KLF12: variants seen among roughly 807,000 people sequenced by gnomAD.
KLF12 encodes the protein KLF transcription factor 12.
KLF12 carries 9 observed loss-of-function variants against 37.8 expected under a neutral mutation model. That is an observed-to-expected ratio of 0.24 (90% CI 0.14 to 0.42). The LOEUF (loss-of-function observed/expected upper bound fraction) is 0.42. Among genes scored for constraint, KLF12 ranks in the 10% least tolerant of loss-of-function variants. The pLI is 1.00. For missense variants in KLF12, 411 were observed against 516.0 expected, an observed-to-expected ratio of 0.80 and a Z score of 1.97; for synonymous variants, 208 against 202.1, an observed-to-expected ratio of 1.03 and a Z score of -0.25.
At chr13:74,189,004 A>G in the KLF12 span, among the ~76,000 whole-genome samples, 1 of 152,162 alleles carries the variant, frequency 6.6e-6, no homozygotes, top group Admixed American at 6.5e-5. Flanking sequence ...ACCTGTCTCA[A>G]AAACAAAAAA....
chr13:73,731,805 G>A (rs1877078598), intron 6 of KLF12, among the ~76,000 whole-genome samples: 1 of 152,176 alleles, frequency 6.6e-6, no homozygotes, highest in Admixed American at 6.5e-5. Context: ...TTTTACATAT[G>A]AGAATAGCTT....
At chr13:74,063,919 A>G (rs1873754758) in intron 1 of KLF12, among the ~76,000 whole-genome samples, 1 of 152,168 alleles carries the variant, frequency 6.6e-6, no homozygotes, top group South Asian at 2.1e-4. Flanking sequence ...TTTGATTCCA[A>G]AAGACAGCAT....
chr13:73,734,836 C>G (rs1877331995), intron 6 of KLF12, among the ~76,000 whole-genome samples: 1 of 152,150 alleles, frequency 6.6e-6, no homozygotes, highest in Non-Finnish European at 1.5e-5. Flanking sequence ...GAAAGGTACA[C>G]TGCCCGAGAT....
chr13:73,836,762 A>G (rs925556742), intron 4 of KLF12, among the ~76,000 whole-genome samples: 27 of 152,220 alleles, frequency 1.8e-4, no homozygotes, highest in African/African-American at 6.3e-4. Context: ...TGTAACATTC[A>G]ATGTACTAAA....
intron 1 of KLF12, among the ~76,000 whole-genome samples, chr13:74,106,199 G>T (rs1355578398): frequency 2.0e-5 from 3 of 152,186 alleles, no homozygotes; most frequent in African/African-American, 7.2e-5. Context: ...TGCTTGGAGA[G>T]CCTTAAACAG....
intron 6 of KLF12, among the ~76,000 whole-genome samples, chr13:73,719,550 A>G (rs887356339): frequency 1.4e-4 from 22 of 152,012 alleles, no homozygotes; most frequent in African/African-American, 4.8e-4. Context: ...CTTTGATTCC[A>G]AGTCTTCAGA....
At chr13:73,904,495 T>C (rs1328182691) in intron 3 of KLF12, among the ~76,000 whole-genome samples, 2 of 133,386 alleles carry the variant, frequency 1.5e-5, no homozygotes, top group Non-Finnish European at 3.2e-5. Context: ...TTTTTTTTAC[T>C]AATTCAGTTC....
the KLF12 span, among the ~76,000 whole-genome samples, chr13:74,150,712 G>A: frequency 6.6e-6 from 1 of 152,108 alleles, no homozygotes; most frequent in Admixed American, 6.5e-5. Context: ...TAAAATAAGG[G>A]TGACTTGAAC....
the KLF12 span, among the ~76,000 whole-genome samples, chr13:74,239,764 C>T: frequency 7.3e-5 from 11 of 151,720 alleles, no homozygotes; most frequent in Non-Finnish European, 1.3e-4. Flanking sequence ...GGATTGCAAC[C>T]CCTGCCTTTT....
At chr13:74,055,595 A>G (rs1330996800) in intron 1 of KLF12, among the ~76,000 whole-genome samples, 1 of 152,212 alleles carries the variant, frequency 6.6e-6, no homozygotes, top group African/African-American at 2.4e-5. Flanking sequence ...GTGTTTTTAC[A>G]AAGCTCTTCT....
intron 3 of KLF12, among the ~76,000 whole-genome samples, chr13:73,931,073 G>C (rs1280777906): frequency 6.6e-6 from 1 of 151,846 alleles, no homozygotes; most frequent in Admixed American, 6.6e-5. Flanking sequence ...GGTCAGGCTG[G>C]TCTCAAACTC....
intron 1 of KLF12, among the ~76,000 whole-genome samples, chr13:74,024,257 A>G (rs1892916312): frequency 6.6e-6 from 1 of 152,234 alleles, no homozygotes; most frequent in South Asian, 2.1e-4. Context: ...ATCATCAACT[A>G]TATTTCAGGA....
intron 3 of KLF12, among the ~76,000 whole-genome samples, chr13:73,904,158 G>A (rs1338040248): frequency 6.6e-6 from 1 of 152,090 alleles, no homozygotes; most frequent in Non-Finnish European, 1.5e-5. Context: ...TCAGAAATAG[G>A]CAATCGTGAC....
At chr13:74,144,371 A>G in the KLF12 span, among the ~76,000 whole-genome samples, 9 of 152,322 alleles carry the variant, frequency 5.9e-5, no homozygotes, top group African/African-American at 1.9e-4. Context: ...TATGACAAAA[A>G]CAAGTTTCTT....
At chr13:73,806,799 C>T (rs1270717332) in intron 5 of KLF12, among the ~76,000 whole-genome samples, 1 of 151,980 alleles carries the variant, frequency 6.6e-6, no homozygotes, top group Non-Finnish European at 1.5e-5. Context: ...TAGAATCTGC[C>T]AAAAAGTTGC....
chr13:73,953,283 T>G (rs184483463), intron 2 of KLF12, among the ~76,000 whole-genome samples: 11 of 151,982 alleles, frequency 7.2e-5, no homozygotes, highest in Non-Finnish European at 1.2e-4. Context: ...AAAGTCAAAT[T>G]TATCCAAACA....
In KLF12 at chr13:73,998,809, T is replaced by C. The variant is rs1470366525; in HGVS notation, c.-31-3756A>G. Among the ~76,000 whole-genome samples, 3 of 152,364 alleles carry C rather than the reference T, an allele frequency of 2.0e-5. No individual in the cohort carries two copies. In the East Asian group the frequency reaches 5.8e-4, roughly 29 times the overall value. Reference sequence around the variant, plus strand: ...AGTGAGTTATCTTGGGAACTAAAAATATTTGAAGGTTAATCTAAATATTTC... The same window carrying C: ...AGTGAGTTATCTTGGGAACTAAAAACATTTGAAGGTTAATCTAAATATTTC... On this transcript the variant is annotated intron_variant, in intron 1 of 7. Coordinates refer to ENST00000377669, the MANE Select transcript of KLF12 (RefSeq NM_007249.5).
chr13:73,959,942 CTT>C (rs951200388), intron 2 of KLF12, among the ~76,000 whole-genome samples: 2 of 151,970 alleles, frequency 1.3e-5, no homozygotes, highest in Non-Finnish European at 2.9e-5. Flanking sequence ...AAAATGCAAG[CTT>C]TTTTTGTTTT....
In KLF12 at chr13:73,690,117, ACT is replaced by A. The variant is rs994575470; in HGVS notation, c.*5371_*5372del. On this transcript the variant is annotated 3_prime_UTR_variant, in exon 8 of 8. Coordinates refer to ENST00000377669, the MANE Select transcript of KLF12 (RefSeq NM_007249.5). ...TTTGATTTACTATGTGTATGTATTT[ACT>A]CTCTCTGTGTGTATGTGTGTGTGTG... The A allele has an allele frequency of 6.6e-6, 1 of 152,302 alleles. No homozygotes were observed. Among genetic ancestry groups the A allele is most frequent in the Non-Finnish European group, 1.5e-5 (1 of 67,918 alleles). 9.4% of individuals were successfully genotyped at this position (152,302 alleles called of 1,614,324 possible).
Sources: allele counts gnomAD v4.1 joint callset (sites outside exome capture counted in the v4.1 genomes callset), GRCh38; gene constraint gnomAD v4.1.1; transcripts MANE v1.5; gene names NCBI Gene and HGNC (gene_info 2026-07-23, HGNC 2026-07-21).